Variants in ADAM22 observed in about 807,000 individuals in gnomAD.
The protein encoded by ADAM22 is disintegrin and metalloproteinase domain-containing protein 22.
ADAM22 carries 65 observed loss-of-function variants against 144.6 expected under a neutral mutation model. The ratio of observed to expected loss-of-function variants is 0.45; its 90% confidence interval spans 0.37 to 0.55. The LOEUF (loss-of-function observed/expected upper bound fraction) is 0.55, where lower values mean the gene tolerates loss of function less well. Among genes scored for constraint, ADAM22 ranks in the 20% least tolerant of loss-of-function variants. ADAM22 has a pLI of 0.00. For synonymous variants in ADAM22, 391 were observed against 412.6 expected (o/e 0.95, Z 0.63); for missense variants, 974 against 1,184.9 (o/e 0.82, Z 2.61).
intron 3 of ADAM22, among the ~76,000 whole-genome samples, chr7:88,061,839 C>CTTT (rs60313970): frequency 3.1e-4 from 35 of 111,988 alleles, no homozygotes; most frequent in East Asian, 1.5e-3. Flanking sequence ...CTCTCTCTCT[C>CTTT]TTTTTTTTTT....
At chr7:87,961,792 G>A (rs1848046807) in intron 2 of ADAM22, among the ~76,000 whole-genome samples, 1 of 152,124 alleles carries the variant, frequency 6.6e-6, no homozygotes, top group African/African-American at 2.4e-5. Flanking sequence ...ACAGAGTTTT[G>A]TTAGTGATTT....
intron 2 of ADAM22, among the ~76,000 whole-genome samples, chr7:87,966,721 GTTTTTTTT>G (rs71120012): frequency 9.5e-4 from 38 of 39,888 alleles, no homozygotes; most frequent in Non-Finnish European, 1.0e-3. Flanking sequence ...AAGGAAAGCC[GTTTTTTTT>G]TTTTTTTTTT....
At chr7:87,936,858 A>T (rs530593610) in intron 2 of ADAM22, among the ~76,000 whole-genome samples, 4 of 142,352 alleles carry the variant, frequency 2.8e-5, no homozygotes, top group African/African-American at 1.0e-4. Flanking sequence ...TATATATATT[A>T]TATATATATA....
At chr7:88,069,288 A>G (rs932497478) in intron 3 of ADAM22, among the ~76,000 whole-genome samples, 2 of 151,170 alleles carry the variant, frequency 1.3e-5, no homozygotes, top group African/African-American at 4.9e-5. Context: ...CTACCATATG[A>G]TGACACAGCA....
chr7:88,016,373 A>G (rs1279539530), intron 3 of ADAM22, among the ~76,000 whole-genome samples: 1 of 152,230 alleles, frequency 6.6e-6, no homozygotes, highest in Non-Finnish European at 1.5e-5. Context: ...CCTTTCTAGA[A>G]CAATGGGAAA....
intron 3 of ADAM22, among the ~76,000 whole-genome samples, chr7:87,998,697 C>T (rs1350501608): frequency 4.6e-5 from 7 of 152,088 alleles, no homozygotes; most frequent in Non-Finnish European, 1.0e-4. Flanking sequence ...CCGAGAGTCT[C>T]CCTATTTTAA....
chr7:88,088,510 G>GAAAAAA (rs11404353), intron 4 of ADAM22, among the ~76,000 whole-genome samples: 2 of 146,288 alleles, frequency 1.4e-5, no homozygotes, highest in East Asian at 2.0e-4. Flanking sequence ...TCAATGACAG[G>GAAAAAA]AAAAAAAAAA....
At chr7:87,968,998 AACTC>A (rs1339492749) in intron 2 of ADAM22, among the ~76,000 whole-genome samples, 2 of 152,128 alleles carry the variant, frequency 1.3e-5, no homozygotes, top group Non-Finnish European at 2.9e-5. Context: ...AGCTCCTGAG[AACTC>A]ACTCACTATC....
chr7:88,119,839 G>A (rs144144616), intron 7 of ADAM22, among the ~76,000 whole-genome samples: 1 of 152,232 alleles, frequency 6.6e-6, no homozygotes, highest in African/African-American at 2.4e-5. Context: ...GGTTGTTTCC[G>A]GTTTTTGACT....
chr7:88,004,865 T>TG lies in ADAM22; in HGVS notation c.323+26453_323+26454insG, dbSNP rs538552003. On this transcript the variant is annotated intron_variant, in intron 3 of 31. Coordinates refer to ENST00000413139, the MANE Select transcript of ADAM22 (RefSeq NM_001324418.2). Reference sequence around the variant, plus strand: ...TTTGATGCTTCTGAAGAAAATGACATTTTTTCCAAATAATTTTTTCTCTCA... The same window carrying TG: ...TTTGATGCTTCTGAAGAAAATGACATGTTTTTCCAAATAATTTTTTCTCTCA... Among the ~76,000 whole-genome samples the TG allele has an allele frequency of 2.3e-3, 345 of 152,306 alleles. 2 individuals carry two copies. Among genetic ancestry groups the TG allele is most frequent in the African/African-American group, 7.7e-3 (322 of 41,564 alleles).
At chr7:87,978,555 T>TTATAA (rs1852465433) in intron 3 of ADAM22, 143 bp downstream of exon 3, 2 of 612,860 alleles carry the variant, frequency 3.3e-6, no homozygotes, top group Non-Finnish European at 5.5e-6. Flanking sequence ...TTATTTACTG[T>TTATAA]AGGTTATAAA....
chr7:88,195,603 C>T (rs566282617), intron 31 of ADAM22, among the ~76,000 whole-genome samples: 3 of 152,136 alleles, frequency 2.0e-5, no homozygotes, highest in African/African-American at 2.4e-5. Context: ...GCAAGCTCCG[C>T]CTCCCGGGTT....
chr7:88,040,494 A>T (rs1385358369), intron 3 of ADAM22, among the ~76,000 whole-genome samples: 1 of 152,048 alleles, frequency 6.6e-6, no homozygotes, highest in Non-Finnish European at 1.5e-5. Flanking sequence ...CTAGATTTTC[A>T]CACATCTGTA....
rs35145003 is a variant in ADAM22 at position 88,083,587 on chromosome 7, TTGTGTGTGTGTG to T, written c.390+7931_390+7942del. 1.3e-3 allele frequency among the ~76,000 whole-genome samples: 168 copies of T among 126,744 alleles called. 1 individual carries two copies. Among genetic ancestry groups the T allele is most frequent in the African/African-American group, 4.2e-3 (142 of 33,556 alleles). The allele number at this position is 126,744 out of a possible 152,430, so 83.1% of individuals were successfully genotyped here. A position where few individuals can be genotyped will look rare whatever the true frequency, so the allele number is the denominator to read the frequency against. ...TTTTTTTTCTCTTTTTACTTTGTGTTTGTGTGTGTGTGTGTGTGTGTGTGTGTGTGTGTGTGT... is the reference window on the plus strand; with the variant it reads ...TTTTTTTTCTCTTTTTACTTTGTGTTTGTGTGTGTGTGTGTGTGTGTGTGT... On this transcript the variant is annotated intron_variant, in intron 4 of 31. Coordinates refer to ENST00000413139, the MANE Select transcript of ADAM22 (RefSeq NM_001324418.2).
rs563418792 is a variant in ADAM22, at chr7:87,943,122, A to G, written c.246+7936A>G. ...TTAGTATTTATTAACTTAAATAAAT[A>G]TAAACATTTATAATATATAAGTATA... On this transcript the variant is annotated intron_variant, in intron 2 of 31. Transcript: ENST00000413139. 1.1e-3 allele frequency among the ~76,000 whole-genome samples: 157 copies of G among 149,104 alleles called. 1 individual carries two copies. The Middle Eastern group carries it at 0.021, about 20-fold the overall frequency.
intron 2 of ADAM22, among the ~76,000 whole-genome samples, chr7:87,965,548 A>G (rs554847385): frequency 1.3e-5 from 2 of 152,210 alleles, no homozygotes; most frequent in South Asian, 2.1e-4. Context: ...AGGAAATGCT[A>G]TGGAATTTAT....
rs1011755014 is a variant in ADAM22, at chr7:88,198,449, G to A, written c.*1958G>A. ...TCAGGCCAAGGTTTGGGTGAGTGTT[G>A]GGCAGTGTTGCCACATAGCTCAAGC... On this transcript the variant is annotated 3_prime_UTR_variant, in exon 32 of 32. Coordinates refer to ENST00000413139, the MANE Select transcript of ADAM22 (RefSeq NM_001324418.2). 9.9e-5 allele frequency: 15 copies of A among 152,168 alleles called. No homozygotes were observed. The highest frequency in any genetic ancestry group is 3.6e-4 in the African/African-American group (15 of 41,420). The allele number at this position is 152,168 out of a possible 1,614,324, so 9.4% of individuals were successfully genotyped here. A position where few individuals can be genotyped will look rare whatever the true frequency, so the allele number is the denominator to read the frequency against.
intron 2 of ADAM22, among the ~76,000 whole-genome samples, chr7:87,969,231 C>G (rs1045191909): frequency 6.6e-6 from 1 of 152,184 alleles, no homozygotes; most frequent in Admixed American, 6.6e-5. Flanking sequence ...CATAATAGAT[C>G]AGTAACATAT....
chr7:87,991,352 A>ATTT (rs10549124), intron 3 of ADAM22, among the ~76,000 whole-genome samples: 13 of 86,070 alleles, frequency 1.5e-4, no homozygotes, highest in Admixed American at 6.2e-4. Flanking sequence ...CACTAGCCTT[A>ATTT]TTTTTTTTTT....
Sources: gnomAD v4.1 joint callset for allele counts (sites outside exome capture counted in the v4.1 genomes callset) on GRCh38, gnomAD v4.1.1 for gene constraint, MANE v1.5 for transcripts, NCBI Gene and HGNC (gene_info 2026-07-23, HGNC 2026-07-21) for gene names.